NRXN3: variants seen among roughly 807,000 people sequenced by gnomAD.
The protein encoded by NRXN3 is neurexin III.
NRXN3 carries 32 observed loss-of-function variants against 137.6 expected under a neutral mutation model. That is an observed-to-expected ratio of 0.23 (90% CI 0.18 to 0.31). NRXN3 has a LOEUF of 0.31. Ranked by LOEUF, NRXN3 falls within the 10% of genes least tolerant of loss-of-function variation. NRXN3 has a pLI of 1.00. For synonymous variants in NRXN3, 798 were observed against 784.5 expected, an observed-to-expected ratio of 1.02 and a Z score of -0.29; for missense variants, 1,574 against 2,062.5, an observed-to-expected ratio of 0.76 and a Z score of 4.59.
intron 15 of NRXN3, among the ~76,000 whole-genome samples, chr14:79,071,418 G>A (rs912752062): frequency 6.6e-6 from 1 of 152,006 alleles, no homozygotes; most frequent in African/African-American, 2.4e-5. Flanking sequence ...AGCGTGTGAG[G>A]TTCCCCTCCC....
intron 6 of NRXN3, among the ~76,000 whole-genome samples, chr14:78,706,289 C>G (rs2098348127): frequency 6.6e-6 from 1 of 152,214 alleles, no homozygotes; most frequent in South Asian, 2.1e-4. Flanking sequence ...AAAGGAGAAG[C>G]TGACACTCAT....
At chr14:78,477,288 C>T (rs1004882810) in intron 4 of NRXN3, among the ~76,000 whole-genome samples, 1 of 152,154 alleles carries the variant, frequency 6.6e-6, no homozygotes, top group Non-Finnish European at 1.5e-5. Context: ...CATTTCATGC[C>T]TCTCTGAAGT....
intron 16 of NRXN3, among the ~76,000 whole-genome samples, chr14:79,559,971 T>TTGTG (rs755065164): frequency 1.3e-5 from 2 of 150,572 alleles, no homozygotes; most frequent in East Asian, 1.9e-4. Flanking sequence ...CTTGTACAAT[T>TTGTG]TGTGTGTGTG....
intron 4 of NRXN3, among the ~76,000 whole-genome samples, chr14:78,598,984 A>G (rs1177136660): frequency 6.6e-6 from 1 of 152,182 alleles, no homozygotes; most frequent in African/African-American, 2.4e-5. Context: ...TCAGGCAGAG[A>G]GTTCTTAGTA....
At position 79,375,105 on chromosome 14, in the gene NRXN3, C is replaced by G. The variant is rs145320072; in HGVS notation, c.3263-92116C>G. 5.0e-3 allele frequency among the ~76,000 whole-genome samples: 766 copies of G among 152,206 alleles called. 8 individuals carry two copies. Among genetic ancestry groups the G allele is most frequent in the African/African-American group, 0.018 (727 of 41,534 alleles). On this transcript the variant is annotated intron_variant, in intron 15 of 20. Transcript: ENST00000335750. Reference sequence around the variant, plus strand: ...TGGATGTGAGCTCATTTTACCTTTACGGAGGTCCAGAGATTTAAATTACTT... The same window carrying G: ...TGGATGTGAGCTCATTTTACCTTTAGGGAGGTCCAGAGATTTAAATTACTT...
Position 79,862,287 on chromosome 14 carries a change from A to T in NRXN3, c.*323A>T, listed in dbSNP as rs1463653873. On this transcript the variant is annotated 3_prime_UTR_variant, in exon 21 of 21. Transcript: ENST00000335750. Reference sequence around the variant, plus strand: ...CTCCACCACTTCCGCAGGCCTGGAAACTTCCTTCTCCGGAGGACCTTTTAC... The same window carrying T: ...CTCCACCACTTCCGCAGGCCTGGAATCTTCCTTCTCCGGAGGACCTTTTAC... The T allele has an allele frequency of 1.3e-5, 3 of 222,560 alleles. No individual in the cohort carries two copies. The highest frequency in any genetic ancestry group is 2.7e-5 in the Non-Finnish European group (3 of 111,594). The allele number at this position is 222,560 out of a possible 1,614,324, so 13.8% of individuals were successfully genotyped here.
Position 79,424,696 on chromosome 14 carries a change from C to T in NRXN3, c.3263-42525C>T, listed in dbSNP as rs144314915. On this transcript the variant is annotated intron_variant, in intron 15 of 20. Transcript: ENST00000335750. The stretch of plus-strand genomic sequence containing the variant: ...ATTCTCAGAGCCTCTGAAGCAATAC[C>T]ACTGAATTCAGGGCTTATGTTTATT... Among the ~76,000 whole-genome samples, 499 of 152,202 alleles carry T rather than the reference C, an allele frequency of 3.3e-3. 4 individuals carry two copies. Among genetic ancestry groups the T allele is most frequent in the African/African-American group, 0.012 (481 of 41,534 alleles).
chr14:79,829,052 T>C (rs377048339), intron 20 of NRXN3, among the ~76,000 whole-genome samples: 2 of 152,196 alleles, frequency 1.3e-5, no homozygotes, highest in African/African-American at 2.4e-5. Context: ...ATAATTATTA[T>C]CAATTAACTT....
intron 15 of NRXN3, among the ~76,000 whole-genome samples, chr14:79,159,516 A>C (rs1268356458): frequency 6.6e-6 from 1 of 151,852 alleles, no homozygotes; most frequent in African/African-American, 2.4e-5. Flanking sequence ...CTCTCCAATT[A>C]GGGTACAAAA....
intron 8 of NRXN3, among the ~76,000 whole-genome samples, chr14:78,747,579 T>A (rs547796805): frequency 6.6e-6 from 1 of 152,332 alleles, no homozygotes; most frequent in South Asian, 2.1e-4. Context: ...AATTTCTTCT[T>A]ATTTGAACTA....
At chr14:78,932,973 TGG>T (rs1405707422) in intron 10 of NRXN3, among the ~76,000 whole-genome samples, 7 of 152,172 alleles carry the variant, frequency 4.6e-5, no homozygotes, top group African/African-American at 9.7e-5. Context: ...CCTAGGTGTG[TGG>T]CAGGAAGATA....
chr14:78,955,470 G>A (rs2099395274), intron 10 of NRXN3, among the ~76,000 whole-genome samples: 1 of 152,128 alleles, frequency 6.6e-6, no homozygotes, highest in African/African-American at 2.4e-5. Context: ...AGCAAGATAA[G>A]CTGAGATGTA....
At chr14:79,403,830 C>T (rs2095257456) in intron 15 of NRXN3, among the ~76,000 whole-genome samples, 1 of 152,040 alleles carries the variant, frequency 6.6e-6, no homozygotes, top group Non-Finnish European at 1.5e-5. Flanking sequence ...GACCCAAAAG[C>T]AAGACCAGAG....
At chr14:79,210,582 T>C (rs1238689365) in intron 15 of NRXN3, among the ~76,000 whole-genome samples, 1 of 152,184 alleles carries the variant, frequency 6.6e-6, no homozygotes, top group Non-Finnish European at 1.5e-5. Flanking sequence ...ATTTATGAGA[T>C]ATTATTAGTC....
At chr14:79,852,657 T>G (rs1344072048) in intron 20 of NRXN3, among the ~76,000 whole-genome samples, 6 of 152,082 alleles carry the variant, frequency 3.9e-5, no homozygotes, top group Non-Finnish European at 8.8e-5. Context: ...ATGCACAATC[T>G]GTTTTTAATT....
intron 14 of NRXN3, among the ~76,000 whole-genome samples, chr14:78,971,732 T>C (rs1407259210): frequency 6.6e-6 from 1 of 152,098 alleles, no homozygotes; most frequent in African/African-American, 2.4e-5. Flanking sequence ...ACCTCCCAGC[T>C]TCAAGCGAAT....
intron 8 of NRXN3, among the ~76,000 whole-genome samples, chr14:78,738,087 A>T (rs1315050811): frequency 1.3e-5 from 2 of 152,326 alleles, no homozygotes; most frequent in Non-Finnish European, 1.5e-5. Flanking sequence ...TGTTACCACC[A>T]CAGCAGTAAC....
chr14:79,710,833 A>G (rs2098801009), intron 19 of NRXN3, among the ~76,000 whole-genome samples: 1 of 152,182 alleles, frequency 6.6e-6, no homozygotes, highest in Non-Finnish European at 1.5e-5. Flanking sequence ...GTGTCTCATA[A>G]GTGCAAGACT....
At chr14:79,004,614 A>G (rs1006310190) in intron 15 of NRXN3, among the ~76,000 whole-genome samples, 1 of 152,206 alleles carries the variant, frequency 6.6e-6, no homozygotes, top group Non-Finnish European at 1.5e-5. Context: ...TGAACAAGTA[A>G]TTACCAACAG....
Sources: allele counts gnomAD v4.1 joint callset (sites outside exome capture counted in the v4.1 genomes callset), GRCh38; gene constraint gnomAD v4.1.1; transcripts MANE v1.5; gene names NCBI Gene and HGNC (gene_info 2026-07-23, HGNC 2026-07-21).